UNC13C: variants seen among roughly 807,000 people sequenced by gnomAD.
The protein encoded by UNC13C is unc-13 homolog C.
A neutral mutation model predicts 245.4 loss-of-function variants in UNC13C; 174 were observed. The observed-to-expected ratio is 0.71, with a 90% CI of 0.63 to 0.80. The LOEUF is 0.80. Ranked by LOEUF, UNC13C falls within the 30% of genes least tolerant of loss-of-function variation. The pLI, the probability that UNC13C is intolerant of heterozygous loss-of-function variation, is 0.00. For missense variants in UNC13C, 2,829 were observed against 2,602.9 expected (o/e 1.09, Z -1.89); for synonymous variants, 992 against 895.1 (o/e 1.11, Z -1.93).
At chr15:54,376,864 G>A (rs1451923888) in intron 17 of UNC13C, among the ~76,000 whole-genome samples, 2 of 152,188 alleles carry the variant, frequency 1.3e-5, no homozygotes, top group African/African-American at 2.4e-5. Flanking sequence ...GAACCTCAGA[G>A]TGTTACCTGA....
intron 19 of UNC13C, among the ~76,000 whole-genome samples, chr15:54,428,911 T>A (rs2040811636): frequency 6.6e-6 from 1 of 151,650 alleles, no homozygotes; most frequent in South Asian, 2.1e-4. Context: ...CACTGAAGGA[T>A]TTCTGCCTCT....
At chr15:54,620,119 A>G (rs1596693311) in intron 30 of UNC13C, among the ~76,000 whole-genome samples, 1 of 152,156 alleles carries the variant, frequency 6.6e-6, no homozygotes, top group Non-Finnish European at 1.5e-5. Flanking sequence ...TTTGTCTTAG[A>G]AAAGGAAATA....
intron 2 of UNC13C, among the ~76,000 whole-genome samples, chr15:54,083,018 A>G (rs990792536): frequency 1.3e-5 from 2 of 152,064 alleles, no homozygotes; most frequent in Non-Finnish European, 1.5e-5. Flanking sequence ...AAGATTTTTA[A>G]TTTGGTGGTG....
At chr15:54,406,369 C>G (rs990700308) in intron 18 of UNC13C, among the ~76,000 whole-genome samples, 3 of 152,106 alleles carry the variant, frequency 2.0e-5, no homozygotes, top group Non-Finnish European at 4.4e-5. Context: ...GATCTTATTT[C>G]CTGCTTCAGA....
chr15:54,384,588 G>A (rs112789099), intron 17 of UNC13C, among the ~76,000 whole-genome samples: 5 of 152,110 alleles, frequency 3.3e-5, no homozygotes, highest in African/African-American at 4.8e-5. Context: ...TTGGTCTTCC[G>A]AAAATCTTTC....
At position 54,288,240 on chromosome 15, in the gene UNC13C, C is replaced by A. The variant is rs187881767; in HGVS notation, c.3819-5655C>A. Reference sequence around the variant, plus strand: ...TTCTGGGTTAGTCAATCTTGTATGACCTGCTACTTTCTAGATGAATTTCGT... The same window carrying A: ...TTCTGGGTTAGTCAATCTTGTATGAACTGCTACTTTCTAGATGAATTTCGT... On this transcript the variant is annotated intron_variant, in intron 10 of 32. Coordinates refer to ENST00000260323, the MANE Select transcript of UNC13C (RefSeq NM_001080534.3). Among the ~76,000 whole-genome samples, 15 of 152,180 alleles carry A rather than the reference C, an allele frequency of 9.9e-5. No individual in the cohort carries two copies. In the East Asian group the frequency reaches 2.5e-3, roughly 26 times the overall value.
intron 24 of UNC13C, chr15:54,512,452 C>T: frequency 2.3e-6 from 1 of 439,210 alleles, no homozygotes. Context: ...AAGACCATTG[C>T]ATTTTCTACT....
the UNC13C span, among the ~76,000 whole-genome samples, chr15:53,959,927 T>C: frequency 6.6e-6 from 1 of 152,134 alleles, no homozygotes; most frequent in African/African-American, 2.4e-5. Flanking sequence ...AAAAGAATTA[T>C]TGTGGTATTT....
chr15:54,622,506 A>T (rs1037856649), intron 31 of UNC13C, 87 bp downstream of exon 31: 65 of 1,052,326 alleles, frequency 6.2e-5, no homozygotes, highest in Admixed American at 2.1e-4. Flanking sequence ...TCTTGCATTT[A>T]AAAAAACTGC....
chr15:54,274,085 A>G (rs943549939), intron 10 of UNC13C, among the ~76,000 whole-genome samples: 1 of 152,118 alleles, frequency 6.6e-6, no homozygotes, highest in African/African-American at 2.4e-5. Context: ...AGCTTTCATT[A>G]CAATTGGAGT....
At chr15:54,147,236 TTG>T (rs1595910467) in intron 4 of UNC13C, among the ~76,000 whole-genome samples, 2 of 145,748 alleles carry the variant, frequency 1.4e-5, no homozygotes, top group East Asian at 2.0e-4. Context: ...TTTTTTTTTT[TTG>T]AGATGGAGTC....
At chr15:54,147,769 G>A (rs1056243225) in intron 4 of UNC13C, among the ~76,000 whole-genome samples, 14 of 93,106 alleles carry the variant, frequency 1.5e-4, no homozygotes, top group Non-Finnish European at 3.6e-4. Context: ...TGAATTATAA[G>A]AAGCATTGCA....
At position 54,175,119 on chromosome 15, in the gene UNC13C, G is replaced by A. The variant is rs568870610; in HGVS notation, c.3071+31435G>A. On this transcript the variant is annotated intron_variant, in intron 4 of 32. Coordinates refer to ENST00000260323, the MANE Select transcript of UNC13C (RefSeq NM_001080534.3). ...TTGGCTACATTCATGACTCCAACAGGGGCATATTTCCTTTCCACCACTTTT... is the reference window on the plus strand; with the variant it reads ...TTGGCTACATTCATGACTCCAACAGAGGCATATTTCCTTTCCACCACTTTT... Among the ~76,000 whole-genome samples the A allele has an allele frequency of 2.0e-5, 3 of 152,026 alleles. No homozygotes were observed. The East Asian group carries it at 5.8e-4, about 30-fold the overall frequency.
the UNC13C span, among the ~76,000 whole-genome samples, chr15:53,941,512 C>T: frequency 6.6e-6 from 1 of 152,228 alleles, no homozygotes; most frequent in East Asian, 1.9e-4. Context: ...AGACCACCTA[C>T]ATAATGGGAG....
At chr15:54,621,225 A>T (rs547380833) in intron 30 of UNC13C, among the ~76,000 whole-genome samples, 79 of 152,288 alleles carry the variant, frequency 5.2e-4, no homozygotes, top group African/African-American at 1.4e-3. Flanking sequence ...TTTTATGAAA[A>T]TAAGATCTTT....
intron 19 of UNC13C, among the ~76,000 whole-genome samples, chr15:54,481,086 GT>G (rs1893080114): frequency 6.6e-6 from 1 of 152,162 alleles, no homozygotes; most frequent in African/African-American, 2.4e-5. Flanking sequence ...GCATAGTAGT[GT>G]GTTCTCTGTA....
At chr15:54,391,801 C>T (rs1052520384) in intron 17 of UNC13C, among the ~76,000 whole-genome samples, 2 of 152,032 alleles carry the variant, frequency 1.3e-5, no homozygotes, top group Admixed American at 1.3e-4. Context: ...ATAGAGGTGT[C>T]TAGTACTAAG....
At chr15:54,058,289 G>T (rs576084902) in intron 2 of UNC13C, among the ~76,000 whole-genome samples, 1 of 152,034 alleles carries the variant, frequency 6.6e-6, no homozygotes, top group Non-Finnish European at 1.5e-5. Flanking sequence ...TGTCACCACC[G>T]ATCCCACAGA....
At chr15:54,563,160 C>A (rs1460095154) in intron 29 of UNC13C, among the ~76,000 whole-genome samples, 3 of 151,894 alleles carry the variant, frequency 2.0e-5, no homozygotes, top group African/African-American at 7.3e-5. Context: ...AAATGTAGAC[C>A]CAGCATTCCA....
Sources: gnomAD v4.1 joint callset for allele counts (sites outside exome capture counted in the v4.1 genomes callset) on GRCh38, gnomAD v4.1.1 for gene constraint, MANE v1.5 for transcripts, NCBI Gene and HGNC (gene_info 2026-07-23, HGNC 2026-07-21) for gene names.